RP1: variants seen among roughly 807,000 people sequenced by gnomAD.
RP1 encodes the protein RP1 axonemal microtubule associated.
A neutral mutation model predicts 14.8 loss-of-function variants in RP1; 16 were observed. That is an observed-to-expected ratio of 1.08 (90% CI 0.73 to 1.65). RP1 has a LOEUF of 1.65. Among genes scored for constraint, RP1 ranks in the 40% most tolerant of loss-of-function variants. The pLI is 0.00. For synonymous variants in RP1, 876 were observed against 883.6 expected (o/e 0.99, Z 0.15); for missense variants, 2,631 against 2,535.0 (o/e 1.04, Z -0.81).
chr8:54,772,636 A>T (rs1809936297), downstream of RP1, among the ~76,000 whole-genome samples: 1 of 152,178 alleles, frequency 6.6e-6, no homozygotes. Context: ...TCCACTTCAC[A>T]GGTGATGAAA....
chr8:54,759,440 G>A (rs1809586795), intron 22 of RP1, among the ~76,000 whole-genome samples: 1 of 152,132 alleles, frequency 6.6e-6, no homozygotes, highest in African/African-American at 2.4e-5. Flanking sequence ...GAAATTAAGT[G>A]TGGAGAATAT....
At chr8:54,858,692 G>A (rs771834874) in intron 27 of RP1, among the ~76,000 whole-genome samples, 4 of 151,754 alleles carry the variant, frequency 2.6e-5, no homozygotes, top group Admixed American at 6.6e-5. Context: ...GTAGAGTGGC[G>A]TTTCTGTAAG....
chr8:54,619,701 G>T (rs1304295306), intron 1 of RP1, among the ~76,000 whole-genome samples: 2 of 152,222 alleles, frequency 1.3e-5, no homozygotes, highest in Non-Finnish European at 2.9e-5. Flanking sequence ...AGTTTTAGCA[G>T]CCCATAGCAA....
chr8:54,754,854 G>T (rs1355307461), exon 20 of RP1: 1 of 1,527,626 alleles, frequency 6.5e-7, no homozygotes, highest in Non-Finnish European at 8.8e-7. Flanking sequence ...TGCAGCAAAC[G>T]TATGGCTGTC....
At chr8:54,594,587 A>G (rs909308088) in intron 1 of RP1, among the ~76,000 whole-genome samples, 4 of 152,238 alleles carry the variant, frequency 2.6e-5, no homozygotes, top group African/African-American at 9.6e-5. Flanking sequence ...ATAAACATGG[A>G]TAAAATTGGC....
At position 54,628,265 on chromosome 8, in the gene RP1, C is replaced by T; in HGVS notation, c.4383C>T (p.Asn1461=). ...ACAGCATGACATCAAGTGAAAGAAACATTTCAGAATTGGAATCTTTTGAAG... is the reference window on the plus strand; with the variant it reads ...ACAGCATGACATCAAGTGAAAGAAATATTTCAGAATTGGAATCTTTTGAAG... ...ITNSMTSSER[N]ISELESFEEL... is the part of the protein sequence containing the mutation. The change falls in exon 4 of 4, where the codon AAC becomes AAT. Residue 1461 remains asparagine, a synonymous_variant. Coordinates refer to ENST00000220676, the MANE Select transcript of RP1 (RefSeq NM_006269.2). The T allele has an allele frequency of 6.2e-7, 1 of 1,613,872 alleles. No homozygotes were observed. The highest frequency in any genetic ancestry group is 8.5e-7 in the Non-Finnish European group (1 of 1,179,918).
intron 1 of RP1, among the ~76,000 whole-genome samples, chr8:54,569,256 G>T (rs897270592): frequency 6.6e-6 from 1 of 152,212 alleles, no homozygotes. Context: ...CACTCTGACC[G>T]AGAGGCCTTC....
At chr8:54,601,818 A>C (rs1317743056) in intron 1 of RP1, among the ~76,000 whole-genome samples, 3 of 152,216 alleles carry the variant, frequency 2.0e-5, no homozygotes, top group Non-Finnish European at 4.4e-5. Flanking sequence ...CTAAGTGAAA[A>C]AAGCCAGCCA....
At chr8:54,773,501 G>A (rs1422223791), downstream of RP1, among the ~76,000 whole-genome samples, 1 of 152,048 alleles carries the variant, frequency 6.6e-6, no homozygotes, top group African/African-American at 2.4e-5. Context: ...GCTGAGTGTG[G>A]TAGTGCATGC....
chr8:54,649,777 C>T (rs1285580161), intron 4 of RP1, among the ~76,000 whole-genome samples: 1 of 152,122 alleles, frequency 6.6e-6, no homozygotes, highest in Non-Finnish European at 1.5e-5. Context: ...AGTAAAATCA[C>T]CATGAAAAAA....
chr8:54,592,084 T>C (rs1805053514), intron 1 of RP1, among the ~76,000 whole-genome samples: 1 of 152,226 alleles, frequency 6.6e-6, no homozygotes, highest in Admixed American at 6.5e-5. Context: ...AGAATTGTAA[T>C]CATTTTTGCA....
chr8:54,782,516 T>C (rs1489175736), intron 23 of RP1, among the ~76,000 whole-genome samples: 1 of 152,018 alleles, frequency 6.6e-6, no homozygotes, highest in Non-Finnish European at 1.5e-5. Flanking sequence ...AAATACAAGG[T>C]TGTAGGTTTA....
At chr8:54,703,135 C>A (rs928469695) in intron 14 of RP1, among the ~76,000 whole-genome samples, 2 of 152,138 alleles carry the variant, frequency 1.3e-5, no homozygotes, top group Non-Finnish European at 2.9e-5. Context: ...CATAGTTGTT[C>A]TTAATGGCAT....
chr8:54,839,603 C>A (rs1811744526), intron 25 of RP1, among the ~76,000 whole-genome samples: 1 of 152,126 alleles, frequency 6.6e-6, no homozygotes, highest in Non-Finnish European at 1.5e-5. Context: ...TTCTTTGAAC[C>A]CTCCCTGTCC....
intron 3 of RP1, among the ~76,000 whole-genome samples, chr8:54,624,055 A>C (rs904593787): frequency 6.6e-6 from 1 of 152,214 alleles, no homozygotes; most frequent in South Asian, 2.1e-4. Flanking sequence ...CTGAACCTCC[A>C]CATTGAAATT....
intron 12 of RP1, chr8:54,696,649 A>G: frequency 1.2e-6 from 1 of 823,892 alleles, no homozygotes; most frequent in East Asian, 2.5e-5. Context: ...TGCCAGATAA[A>G]CATTCCTTGG....
chr8:54,686,010 G>A (rs1342233095), intron 12 of RP1, among the ~76,000 whole-genome samples: 1 of 152,158 alleles, frequency 6.6e-6, no homozygotes, highest in Non-Finnish European at 1.5e-5. Flanking sequence ...CCTCTCTGTA[G>A]ATCAAACTAA....
At chr8:54,812,782 T>TATCTATCC (rs1554535896) in intron 24 of RP1, among the ~76,000 whole-genome samples, 1 of 150,448 alleles carries the variant, frequency 6.6e-6, no homozygotes, top group Non-Finnish European at 1.5e-5. Flanking sequence ...TCTATCTATC[T>TATCTATCC]ATCTATCTAT....
downstream of RP1, among the ~76,000 whole-genome samples, chr8:54,635,081 CAAA>C (rs764704971): frequency 2.2e-5 from 2 of 92,008 alleles, no homozygotes; most frequent in Non-Finnish European, 2.3e-5. Context: ...GACTCCATCT[CAAA>C]AAAAAAAAAA....
Sources: allele counts gnomAD v4.1 joint callset (sites outside exome capture counted in the v4.1 genomes callset), GRCh38; gene constraint gnomAD v4.1.1; transcripts MANE v1.5; gene names NCBI Gene and HGNC (gene_info 2026-07-23, HGNC 2026-07-21).